FAM186A: variants seen among roughly 807,000 people sequenced by gnomAD.
FAM186A encodes the protein family with sequence similarity 186 member A.
Under a neutral mutation model 216.8 loss-of-function variants are expected in FAM186A, and 163 were observed. The ratio of observed to expected loss-of-function variants is 0.75; its 90% CI spans 0.66 to 0.86. FAM186A has a LOEUF of 0.86. Among genes scored for constraint, FAM186A ranks in the 40% least tolerant of loss-of-function variants. FAM186A has a pLI of 0.00. For missense variants in FAM186A, 2,184 were observed against 2,746.2 expected, an observed-to-expected ratio of 0.80 and a Z score of 4.58; for synonymous variants, 805 against 1,025.3, an observed-to-expected ratio of 0.79 and a Z score of 4.10.
rs780504633 is a variant in FAM186A at position 50,351,070 on chromosome 12, G to A, written c.5762C>T (p.Ser1921Leu). ...TCTAGAGGTGGGAGGGATCCATAAT[G>A]AAGAAGCTCGCCCAGGAAGGGTCCA... The part of the protein sequence containing the change: ...ATWTLPGRAS[S>L]LWIPPTSRHP... The change falls in exon 4 of 8, where the codon TCA becomes TTA. Residue 1921 changes from serine (S) to leucine (L), a missense_variant. Transcript: ENST00000327337. The A allele has an allele frequency of 1.3e-6, 2 of 1,551,538 alleles. No individual in the cohort carries two copies. Among genetic ancestry groups the A allele is most frequent in the South Asian group, 1.2e-5 (1 of 84,052 alleles).
chr12:50,367,659 C>G (rs1232850067), intron 1 of FAM186A, among the ~76,000 whole-genome samples: 1 of 149,910 alleles, frequency 6.7e-6, no homozygotes, highest in African/African-American at 2.5e-5. Flanking sequence ...GTAGAAAGCC[C>G]TAAGGATTAC....
intron 1 of FAM186A, 101 bp from the exon 2 acceptor site, chr12:50,363,465 C>T (rs969734335): frequency 3.0e-6 from 3 of 1,011,202 alleles, no homozygotes; most frequent in African/African-American, 3.2e-5. Flanking sequence ...TTAAAGCTAT[C>T]CAATTAAAGT....
chr12:50,329,593 A>G (rs545810658), intron 7 of FAM186A, among the ~76,000 whole-genome samples: 14 of 150,936 alleles, frequency 9.3e-5, no homozygotes, highest in African/African-American at 3.4e-4. Flanking sequence ...TTGTGAATTA[A>G]CACTACTTTT....
At chr12:50,348,720 G>A (rs1335834145) in intron 4 of FAM186A, among the ~76,000 whole-genome samples, 1 of 150,658 alleles carries the variant, frequency 6.6e-6, no homozygotes, top group Non-Finnish European at 1.5e-5. Context: ...CACCATGCCC[G>A]GCTAATTTTT....
At chr12:50,369,496 CA>C (rs35493660) in intron 1 of FAM186A, among the ~76,000 whole-genome samples, 34,081 of 113,462 alleles carry the variant, frequency 0.3, 3,346 homozygotes, top group South Asian at 0.44. Context: ...GACTCCGTCT[CA>C]AAAAAAAAAA....
chr12:50,365,959 A>C (rs983326896), intron 1 of FAM186A: 21 of 766,940 alleles, frequency 2.7e-5, no homozygotes, highest in Non-Finnish European at 4.8e-5. Context: ...CGCCCCAGCA[A>C]GGTGGGTATC....
At chr12:50,336,980 G>C (rs530931899) in intron 4 of FAM186A, among the ~76,000 whole-genome samples, 6 of 151,994 alleles carry the variant, frequency 3.9e-5, no homozygotes, top group Admixed American at 2.6e-4. Flanking sequence ...AGAGAGAAGA[G>C]AGAAAGAATA....
Position 50,350,806 on chromosome 12 carries a change from A to G in FAM186A, c.6026T>C (p.Ile2009Thr), listed in dbSNP as rs1322036374. Residue 2009 changes from isoleucine (I) to threonine (T), a missense_variant, in exon 4 of 8, where the codon ATA (isoleucine) becomes ACA (threonine). Transcript: ENST00000327337. ...GGACTGAAATGTTCTAAATGATTCT[A>G]TAGCAAAAGTGTCTCGAAGTATCTG... ...ETQILRDTFA[I>T]ESFRTFQSHF... The G allele has an allele frequency of 6.4e-7, 1 of 1,551,698 alleles. No individual in the cohort carries two copies. The highest frequency in any genetic ancestry group is 8.7e-7 in the Non-Finnish European group (1 of 1,146,990).
At chr12:50,347,101 A>T (rs151090100) in intron 4 of FAM186A, among the ~76,000 whole-genome samples, 45 of 152,218 alleles carry the variant, frequency 3.0e-4, no homozygotes, top group Middle Eastern at 3.4e-3. Context: ...CCCAAGCCTC[A>T]GTGGCTTAAA....
intron 1 of FAM186A, among the ~76,000 whole-genome samples, chr12:50,389,808 A>G (rs1440967325): frequency 6.6e-6 from 1 of 152,156 alleles, no homozygotes; most frequent in Non-Finnish European, 1.5e-5. Context: ...TCCAAAATCC[A>G]TCTGTATTCT....
chr12:50,329,694 C>T (rs1466551959), intron 7 of FAM186A, among the ~76,000 whole-genome samples: 5 of 151,706 alleles, frequency 3.3e-5, no homozygotes, highest in Admixed American at 2.6e-4. Flanking sequence ...ACCTCCTGGG[C>T]TCAAGCAATT....
rs1380700506 is a variant in FAM186A, at chr12:50,351,187, GAGA to G, written c.5642_5644del (p.Phe1881del). The G allele has an allele frequency of 1.9e-6, 3 of 1,551,540 alleles. No homozygotes were observed. The highest frequency in any genetic ancestry group is 1.4e-5 in the African/African-American group (1 of 73,032). ...AGGCTGGAATTCCTGGAGCTGCTCA[GAGA>G]AGGTTAAGGGTCCAGATTCCAGGAG... On this transcript the variant is annotated inframe_deletion, in exon 4 of 8. Transcript: ENST00000327337.
intron 1 of FAM186A, among the ~76,000 whole-genome samples, chr12:50,376,709 G>T (rs1157686580): frequency 6.6e-6 from 1 of 150,882 alleles, no homozygotes; most frequent in Non-Finnish European, 1.5e-5. Flanking sequence ...AACTGGCAAT[G>T]TGGGTCAAAC....
chr12:50,373,591 TA>T (rs984774337), intron 1 of FAM186A, among the ~76,000 whole-genome samples: 1 of 152,120 alleles, frequency 6.6e-6, no homozygotes, highest in African/African-American at 2.4e-5. Flanking sequence ...AAATGCTTCA[TA>T]AGATTTTCAT....
intron 1 of FAM186A, among the ~76,000 whole-genome samples, chr12:50,364,995 A>ATTGCACTCGCG (rs1943073708): frequency 6.8e-6 from 1 of 146,670 alleles, no homozygotes; most frequent in Non-Finnish European, 1.5e-5. Context: ...CCGAGATCGC[A>ATTGCACTCGCG]CCATTGCACT....
At chr12:50,372,954 AGGAG>A (rs1377328223) in intron 1 of FAM186A, among the ~76,000 whole-genome samples, 27 of 128,256 alleles carry the variant, frequency 2.1e-4, no homozygotes, top group South Asian at 1.5e-3. Context: ...GGAAGGAGGA[AGGAG>A]GGAGGGAGGG....
intron 1 of FAM186A, among the ~76,000 whole-genome samples, chr12:50,390,386 G>T (rs1456143200): frequency 6.6e-6 from 1 of 152,116 alleles, no homozygotes; most frequent in East Asian, 1.9e-4. Context: ...CTCAAGTTTG[G>T]GAATTGACTG....
chr12:50,327,545 T>C (rs920414334), intron 7 of FAM186A, 141 bp from the exon 8 acceptor site: 1 of 541,142 alleles, frequency 1.8e-6, no homozygotes, highest in Non-Finnish European at 3.3e-6. Flanking sequence ...TAATCCTTTT[T>C]TTTTTTTTTT....
intron 3 of FAM186A, among the ~76,000 whole-genome samples, chr12:50,356,725 TTGG>T (rs1378745187): frequency 1.3e-5 from 2 of 152,188 alleles, no homozygotes; most frequent in African/African-American, 2.4e-5. Context: ...AGGCCAGGGC[TTGG>T]TGGTTCACGC....
Sources: gnomAD v4.1 joint callset for allele counts (sites outside exome capture counted in the v4.1 genomes callset) on GRCh38, gnomAD v4.1.1 for gene constraint, MANE v1.5 for transcripts, NCBI Gene and HGNC (gene_info 2026-07-23, HGNC 2026-07-21) for gene names.